The following IRGM variants were observed in gnomAD, a reference collection of about 807,000 sequenced individuals.
IRGM encodes the protein immunity related GTPase M.
For synonymous variants in IRGM, 98 were observed against 80.6 expected, an observed-to-expected ratio of 1.22 and a Z score of -1.16; for missense variants, 288 against 219.9, an observed-to-expected ratio of 1.31 and a Z score of -1.96.
downstream of IRGM, chr5:150,848,740 T>C (rs1753928221): frequency 1.0e-5 from 11 of 1,078,372 alleles, no homozygotes; most frequent in South Asian, 1.6e-4. Context: ...ACTGGACTCA[T>C]TGAAACACAC....
At chr5:150,879,822 C>T (rs1186085698) in intron 3 of IRGM, among the ~76,000 whole-genome samples, 1 of 152,208 alleles carries the variant, frequency 6.6e-6, no homozygotes, top group Non-Finnish European at 1.5e-5. Flanking sequence ...GGTACACTTA[C>T]TTCTTAGGGT....
At chr5:150,879,112 A>G (rs1282257933) in intron 2 of IRGM, among the ~76,000 whole-genome samples, 1 of 152,194 alleles carries the variant, frequency 6.6e-6, no homozygotes, top group Non-Finnish European at 1.5e-5. Context: ...AGAAAAATCC[A>G]AAATGCTGAT....
intron 1 of IRGM, among the ~76,000 whole-genome samples, chr5:150,867,515 C>T (rs2113272948): frequency 6.6e-6 from 1 of 152,278 alleles, no homozygotes; most frequent in East Asian, 1.9e-4. Flanking sequence ...TTTATTGGAT[C>T]AAATGGTAGA....
In IRGM at chr5:150,848,582, C is replaced by T; in HGVS notation, c.459C>T (p.Ser153=). Residue 153 remains serine (S), a synonymous_variant, in exon 2 of 2, where the codon AGC becomes AGT. Coordinates refer to ENST00000522154, the MANE Select transcript of IRGM (RefSeq NM_001145805.2). The stretch of plus-strand genomic sequence containing the variant: ...GGACCAAGCTAGACATGGACCTCAG[C>T]ACAGGTGCCCTCCCAGAAGTGCAGC... ...IVWTKLDMDL[S]TGALPEVQLL... is the part of the protein sequence containing the mutation. The T allele has an allele frequency of 1.3e-6, 2 of 1,551,658 alleles. No individual in the cohort carries two copies. Among genetic ancestry groups the T allele is most frequent in the Non-Finnish European group, 1.7e-6 (2 of 1,146,820 alleles).
At chr5:150,894,149 A>G (rs1201086627) in intron 3 of IRGM, among the ~76,000 whole-genome samples, 1 of 152,126 alleles carries the variant, frequency 6.6e-6, no homozygotes, top group Non-Finnish European at 1.5e-5. Flanking sequence ...TGTTTATCAC[A>G]CAGGTATTCT....
intron 1 of IRGM, among the ~76,000 whole-genome samples, chr5:150,862,509 T>TGG (rs781181577): frequency 5.3e-5 from 8 of 152,194 alleles, no homozygotes; most frequent in Non-Finnish European, 7.3e-5. Context: ...CCATATGACT[T>TGG]ATTTCAGCCA....
chr5:150,896,763 G>A (rs1266829943), intron 3 of IRGM: 3 of 1,613,578 alleles, frequency 1.9e-6, no homozygotes, highest in African/African-American at 2.7e-5. Context: ...ATGCCCTGAT[G>A]CCTCAGTCAC....
chr5:150,877,484 A>G (rs1486569234), intron 1 of IRGM, among the ~76,000 whole-genome samples: 2 of 152,116 alleles, frequency 1.3e-5, no homozygotes, highest in Non-Finnish European at 2.9e-5. Context: ...CTTGCTCCTT[A>G]GCTTGCACAC....
chr5:150,886,418 T>C (rs1754523441), intron 3 of IRGM, among the ~76,000 whole-genome samples: 1 of 152,076 alleles, frequency 6.6e-6, no homozygotes, highest in African/African-American at 2.4e-5. Flanking sequence ...TTTTATAGAA[T>C]GAATTGGGGA....
intron 3 of IRGM, among the ~76,000 whole-genome samples, chr5:150,880,845 G>A (rs1754434106): frequency 6.6e-6 from 1 of 152,076 alleles, no homozygotes; most frequent in Non-Finnish European, 1.5e-5. Flanking sequence ...AAAATGGTTG[G>A]GCTGGGCACA....
chr5:150,901,368 A>C (rs977752819), downstream of IRGM, among the ~76,000 whole-genome samples: 1 of 152,200 alleles, frequency 6.6e-6, no homozygotes, highest in African/African-American at 2.4e-5. Flanking sequence ...CTTAAAAACT[A>C]CTAGTGAGTT....
rs192300629 is a variant in IRGM, at chr5:150,897,351, G to C, written c.*141-3238G>C. ...ATCCTACCATCACTCTAAAAAACAAGGTATCTTCTGTATGCAAAATACTTT... is the reference window on the plus strand; with the variant it reads ...ATCCTACCATCACTCTAAAAAACAACGTATCTTCTGTATGCAAAATACTTT... On this transcript the variant is annotated intron_variant and NMD_transcript_variant, in intron 3 of 3. Coordinates refer to the IRGM transcript ENST00000520549. The C allele has an allele frequency of 2.6e-3, 433 of 167,276 alleles. 2 individuals are homozygous for C. The highest frequency in any genetic ancestry group is 9.7e-3 in the African/African-American group (409 of 42,000). The allele number at this position is 167,276 out of a possible 1,614,324, so 10.4% of individuals were successfully genotyped here.
downstream of IRGM, among the ~76,000 whole-genome samples, chr5:150,850,650 C>T (rs1406372934): frequency 6.6e-6 from 1 of 152,118 alleles, no homozygotes; most frequent in Non-Finnish European, 1.5e-5. Flanking sequence ...GAGCCTCGAA[C>T]TCATGGTATC....
At chr5:150,856,927 ATTTATTAT>A (rs1754063891) in intron 1 of IRGM, among the ~76,000 whole-genome samples, 2 of 137,030 alleles carry the variant, frequency 1.5e-5, no homozygotes, top group African/African-American at 6.2e-5. Flanking sequence ...ATTATTTATT[ATTTATTAT>A]TTTATTTTAT....
chr5:150,897,729 C>T (rs1754844935), intron 3 of IRGM: 1 of 290,340 alleles, frequency 3.4e-6, no homozygotes. Flanking sequence ...CTCTGAACTT[C>T]TAAAACAGTA....
chr5:150,847,804 T>C lies in IRGM; in HGVS notation c.-320T>C, dbSNP rs189865280. The C allele has an allele frequency of 1.8e-5, 5 of 278,680 alleles. No individual in the cohort carries two copies. Among genetic ancestry groups the C allele is most frequent in the East Asian group, 8.6e-5 (1 of 11,580 alleles). 17.3% of individuals were successfully genotyped at this position (278,680 alleles called of 1,614,324 possible). On this transcript the variant is annotated 5_prime_UTR_variant, in exon 2 of 2. Transcript: ENST00000522154. ...ACCTCTTTTTGCCACACCATAAGCA[T>C]TGGGTTTTGTTTGTTTTGAGATGGA... is the stretch of plus-strand genomic sequence containing the variant.
At chr5:150,875,470 A>C (rs1754350277) in intron 1 of IRGM, among the ~76,000 whole-genome samples, 1 of 152,222 alleles carries the variant, frequency 6.6e-6, no homozygotes, top group Non-Finnish European at 1.5e-5. Context: ...AAATTTGGGA[A>C]ATAGGTATGT....
chr5:150,879,887 T>C (rs944580015), intron 3 of IRGM, among the ~76,000 whole-genome samples: 1 of 152,158 alleles, frequency 6.6e-6, no homozygotes, highest in Admixed American at 6.5e-5. Flanking sequence ...AGCAGTATAT[T>C]GTAAGACTAA....
At chr5:150,873,597 T>C (rs1754320874) in intron 1 of IRGM, among the ~76,000 whole-genome samples, 1 of 152,134 alleles carries the variant, frequency 6.6e-6, no homozygotes. Context: ...TAGAGGCTTA[T>C]GGAGATCAGG....
Sources: gnomAD v4.1 joint callset for allele counts (sites outside exome capture counted in the v4.1 genomes callset) on GRCh38, gnomAD v4.1.1 for gene constraint, MANE v1.5 for transcripts, NCBI Gene and HGNC (gene_info 2026-07-23, HGNC 2026-07-21) for gene names.